Variants in DGKI observed in about 807,000 individuals in gnomAD.
DGKI encodes the protein diacylglycerol kinase iota, also known as DAG kinase iota.
DGKI carries 55 observed loss-of-function variants against 147.5 expected under a neutral mutation model. That is an observed-to-expected ratio of 0.37 (90% CI 0.30 to 0.47). The LOEUF is 0.47. Ranked by LOEUF, DGKI falls within the 20% of genes least tolerant of loss-of-function variation. The pLI is 1.00. For missense variants in DGKI, 1,007 were observed against 1,323.8 expected (o/e 0.76, Z 3.71); for synonymous variants, 469 against 477.1 (o/e 0.98, Z 0.22).
intron 28 of DGKI, among the ~76,000 whole-genome samples, chr7:137,416,703 G>C (rs536147689): frequency 1.3e-5 from 2 of 152,028 alleles, no homozygotes; most frequent in Admixed American, 1.3e-4. Context: ...CCTACTCTTC[G>C]CTCCTTTTCT....
chr7:137,516,917 A>AGAG (rs1816764404), intron 21 of DGKI, among the ~76,000 whole-genome samples: 1 of 152,052 alleles, frequency 6.6e-6, no homozygotes. Context: ...CCTAAAGAAT[A>AGAG]GAGTAGGGAA....
chr7:137,641,338 A>G (rs761765674), intron 6 of DGKI, among the ~76,000 whole-genome samples: 4 of 152,202 alleles, frequency 2.6e-5, no homozygotes, highest in Non-Finnish European at 5.9e-5. Context: ...AACAGTATAA[A>G]AAATGTAGAC....
At chr7:137,782,017 T>C (rs1796533035) in intron 1 of DGKI, among the ~76,000 whole-genome samples, 1 of 152,146 alleles carries the variant, frequency 6.6e-6, no homozygotes, top group Admixed American at 6.5e-5. Context: ...CAGAGCAGCA[T>C]GTGGAGACTC....
At position 137,395,662 on chromosome 7, in the gene DGKI, C is replaced by T. The variant is rs768658519; in HGVS notation, c.2993G>A (p.Arg998Gln). 7.2e-5 allele frequency: 117 copies of T among 1,614,112 alleles called. 1 individual carries two copies. The highest frequency in any genetic ancestry group is 3.6e-4 in the South Asian group (33 of 91,080). The change falls in exon 32 of 33, where the codon CGG (arginine) becomes CAG (glutamine). Residue 998 changes from arginine (R) to glutamine (Q), a missense_variant. Physicochemically the swap from Arg to Gln is conservative, Grantham distance 43. Around this residue, in one of 5 missense-constraint regions of DGKI, gnomAD observed 385 missense variants for 445.2 expected, o/e 0.86. Coordinates refer to ENST00000614521, the MANE Select transcript of DGKI (RefSeq NM_001321708.2). The part of the protein sequence containing the change: ...ETALHKAACQ[R>Q]NRAVCQLLVD... Reference sequence around the variant, plus strand: ...CAGAAGCTGGCACACAGCCCGGTTCCGCTGGCAGGCAGCCTTGTGCAGTGC... The same window carrying T: ...CAGAAGCTGGCACACAGCCCGGTTCTGCTGGCAGGCAGCCTTGTGCAGTGC...
At chr7:137,432,121 C>T (rs762151072) in intron 28 of DGKI, among the ~76,000 whole-genome samples, 33 of 152,194 alleles carry the variant, frequency 2.2e-4, no homozygotes, top group Admixed American at 2.1e-3. Context: ...GCTTCCCCTT[C>T]GCCTTCTGCC....
chr7:137,560,833 G>T (rs759482075), intron 19 of DGKI, among the ~76,000 whole-genome samples: 53 of 152,062 alleles, frequency 3.5e-4, no homozygotes, highest in Non-Finnish European at 7.5e-4. Context: ...ATCTCCAGAG[G>T]GAACACAGGC....
intron 10 of DGKI, among the ~76,000 whole-genome samples, chr7:137,606,879 C>T (rs921511612): frequency 2.0e-5 from 3 of 152,136 alleles, no homozygotes; most frequent in African/African-American, 7.2e-5. Context: ...TCCTATTATA[C>T]AATTATTTAA....
rs1297272726 is a variant in DGKI, at chr7:137,846,671, C to T, written c.192G>A (p.Gly64=). The T allele has an allele frequency of 2.8e-6, 3 of 1,073,870 alleles. No individual in the cohort carries two copies. Among genetic ancestry groups the T allele is most frequent in the African/African-American group, 1.7e-5 (1 of 58,400 alleles). The allele number at this position is 1,073,870 out of a possible 1,614,324, so 66.5% of individuals were successfully genotyped here. A position where few individuals can be genotyped will look rare whatever the true frequency, so the allele number is the denominator to read the frequency against. The change falls in exon 1 of 33, where the codon GGG becomes GGA. Residue 64 remains glycine, a synonymous_variant. Coordinates refer to ENST00000614521, the MANE Select transcript of DGKI (RefSeq NM_001321708.2). This position sits in a 1 kb window ranked among gnomAD's most constrained non-coding sequence, Gnocchi z 4.0. ...NPSSSAGEEK[G]ATGGSSSSGS... ...CGCTGCTGCTGCTGCCGCCCGTCGC[C>T]CCTTTCTCCTCTCCCGCCGAGGAGC...
At chr7:137,703,263 G>C (rs1824047186) in intron 1 of DGKI, among the ~76,000 whole-genome samples, 1 of 152,150 alleles carries the variant, frequency 6.6e-6, no homozygotes, top group Non-Finnish European at 1.5e-5. Context: ...GATCTCATGA[G>C]AACTCACTCA....
chr7:137,502,344 TC>T (rs148629687), intron 21 of DGKI, among the ~76,000 whole-genome samples: 1,863 of 152,250 alleles, frequency 0.012, 39 homozygotes, highest in African/African-American at 0.042. Flanking sequence ...TATGATCAAA[TC>T]CATGTGATAT....
At chr7:137,818,595 C>T (rs1028016660) in intron 1 of DGKI, among the ~76,000 whole-genome samples, 8 of 152,216 alleles carry the variant, frequency 5.3e-5, no homozygotes, top group Non-Finnish European at 8.8e-5. Flanking sequence ...GCATGCGCCA[C>T]CATGCCCGGC....
At chr7:137,653,018 C>A (rs1300431497) in intron 5 of DGKI, among the ~76,000 whole-genome samples, 1 of 152,228 alleles carries the variant, frequency 6.6e-6, no homozygotes, top group East Asian at 1.9e-4. Flanking sequence ...GGATACCTCA[C>A]ACTTCACAGT....
chr7:137,831,517 G>C (rs1310482858), intron 1 of DGKI, among the ~76,000 whole-genome samples: 1 of 152,166 alleles, frequency 6.6e-6, no homozygotes, highest in Non-Finnish European at 1.5e-5. Flanking sequence ...CATATCTCAT[G>C]AGACTTATTT....
intron 21 of DGKI, among the ~76,000 whole-genome samples, chr7:137,519,459 C>T (rs1024746370): frequency 6.6e-6 from 1 of 152,042 alleles, no homozygotes; most frequent in Non-Finnish European, 1.5e-5. Context: ...CATGCTACTG[C>T]TCTAGGTCAG....
At chr7:137,492,894 CTG>C (rs1815820222) in intron 21 of DGKI, among the ~76,000 whole-genome samples, 1 of 152,186 alleles carries the variant, frequency 6.6e-6, no homozygotes, top group Admixed American at 6.5e-5. Context: ...CGCTGGCTGA[CTG>C]TGCCTGACAA....
intron 8 of DGKI, among the ~76,000 whole-genome samples, chr7:137,611,153 T>G (rs964686932): frequency 1.3e-5 from 2 of 152,230 alleles, no homozygotes; most frequent in African/African-American, 2.4e-5. Context: ...TTTGATAGAT[T>G]TCTGTTTGTT....
chr7:137,704,402 A>G (rs1379609198), intron 1 of DGKI, among the ~76,000 whole-genome samples: 1 of 152,154 alleles, frequency 6.6e-6, no homozygotes, highest in Non-Finnish European at 1.5e-5. Flanking sequence ...TGGACAGCAG[A>G]TTGAAGCTGA....
At chr7:137,617,335 T>C (rs1173085006) in intron 8 of DGKI, among the ~76,000 whole-genome samples, 9 of 152,060 alleles carry the variant, frequency 5.9e-5, no homozygotes, top group Admixed American at 5.9e-4. Context: ...CAGGGGGTAT[T>C]GTTCTATACT....
intron 1 of DGKI, among the ~76,000 whole-genome samples, chr7:137,701,420 A>C (rs139210888): frequency 6.6e-6 from 1 of 152,152 alleles, no homozygotes; most frequent in Non-Finnish European, 1.5e-5. Context: ...AATTATCTTC[A>C]TTTGCAAATG....
Sources: gnomAD v4.1 joint callset for allele counts (sites outside exome capture counted in the v4.1 genomes callset) on GRCh38, gnomAD v4.1.1 for gene constraint, gnomAD v4.1.1 regional missense constraint, Gnocchi (gnomAD v3.1) non-coding constraint, MANE v1.5 for transcripts, NCBI Gene and HGNC (gene_info 2026-07-23, HGNC 2026-07-21) for gene names.